Variants in NAV3 observed in about 807,000 individuals in gnomAD.
NAV3 encodes the protein neuron navigator 3, also known as pore membrane and/or filament interacting like protein 1.
In NAV3, 87 loss-of-function variants were observed where a neutral mutation model predicts 244.7. That is an observed-to-expected ratio of 0.36 (90% CI 0.30 to 0.42). NAV3 has a LOEUF of 0.42. NAV3 is among the 20% of genes least tolerant of loss of function. The pLI, the probability that NAV3 is intolerant of heterozygous loss-of-function variation, is 1.00. For synonymous variants in NAV3, 1,126 were observed against 1,042.2 expected, an observed-to-expected ratio of 1.08 and a Z score of -1.55; for missense variants, 2,663 against 2,893.3, an observed-to-expected ratio of 0.92 and a Z score of 1.83.
intron 1 of NAV3, among the ~76,000 whole-genome samples, chr12:77,840,322 G>T (rs1057080233): frequency 2.0e-5 from 3 of 152,146 alleles, no homozygotes; most frequent in Non-Finnish European, 1.5e-5. Flanking sequence ...CAGAATGGAA[G>T]AAGTATGCTA....
intron 7 of NAV3, among the ~76,000 whole-genome samples, chr12:78,001,328 C>T (rs1873262440): frequency 6.6e-6 from 1 of 151,924 alleles, no homozygotes; most frequent in South Asian, 2.1e-4. Context: ...CAGGATTAAC[C>T]AAATTATCTG....
chr12:78,195,620 C>T (rs1437641428), intron 34 of NAV3, among the ~76,000 whole-genome samples: 1 of 151,994 alleles, frequency 6.6e-6, no homozygotes, highest in Non-Finnish European at 1.5e-5. Context: ...TCTTTCCCTC[C>T]TATAGGCCAC....
At chr12:77,695,405 C>T (rs1450423044) in intron 2 of NAV3, among the ~76,000 whole-genome samples, 2 of 152,106 alleles carry the variant, frequency 1.3e-5, no homozygotes, top group African/African-American at 4.8e-5. Flanking sequence ...ATTGAAGAGA[C>T]TGTCTTTTCC....
intron 30 of NAV3, among the ~76,000 whole-genome samples, chr12:78,182,311 ATGTTGGCTTGTTGC>A (rs1958531763): frequency 6.6e-6 from 1 of 152,024 alleles, no homozygotes; most frequent in Non-Finnish European, 1.5e-5. Context: ...AACATCCTCT[ATGTTGGCTTGTTGC>A]TGATGGACCT....
intron 12 of NAV3, among the ~76,000 whole-genome samples, chr12:78,095,965 A>G (rs1188907641): frequency 1.3e-5 from 2 of 152,206 alleles, no homozygotes; most frequent in Non-Finnish European, 2.9e-5. Context: ...GAAGTAACCT[A>G]TATGGTATAT....
At chr12:77,678,856 AAG>A (rs1874323532) in intron 2 of NAV3, among the ~76,000 whole-genome samples, 1 of 152,164 alleles carries the variant, frequency 6.6e-6, no homozygotes, top group East Asian at 1.9e-4. Context: ...ACAGAGAGGA[AAG>A]AGAGGAGAAA....
chr12:78,130,137 G>A (rs1956098885), intron 18 of NAV3, among the ~76,000 whole-genome samples: 1 of 152,138 alleles, frequency 6.6e-6, no homozygotes, highest in East Asian at 1.9e-4. Context: ...CTTTTTGCCA[G>A]TCTAGTTTGG....
intron 2 of NAV3, among the ~76,000 whole-genome samples, chr12:77,691,325 TTGTGTATGTG>T (rs1565773990): frequency 8.6e-5 from 1 of 11,646 alleles, no homozygotes; most frequent in African/African-American, 1.8e-4. Context: ...ATATAAGTAT[TTGTGTATGTG>T]TGTATATATA....
chr12:77,644,797 C>T (rs928970238), intron 2 of NAV3, among the ~76,000 whole-genome samples: 5 of 152,032 alleles, frequency 3.3e-5, no homozygotes, highest in Admixed American at 6.5e-5. Flanking sequence ...TCTGAGTATA[C>T]GGATTTATTT....
At chr12:77,937,502 C>A (rs1889436314) in intron 1 of NAV3, among the ~76,000 whole-genome samples, 1 of 152,096 alleles carries the variant, frequency 6.6e-6, no homozygotes, top group Non-Finnish European at 1.5e-5. Flanking sequence ...TTTATTTAAA[C>A]AAATGTTTTT....
At chr12:77,833,944 C>T (rs1874165527) in intron 1 of NAV3, among the ~76,000 whole-genome samples, 1 of 152,040 alleles carries the variant, frequency 6.6e-6, no homozygotes, top group South Asian at 2.1e-4. Context: ...TCGGTGTCCT[C>T]TTCTGCTGGT....
chr12:77,721,169 A>G (rs747885728), intron 2 of NAV3, among the ~76,000 whole-genome samples: 21 of 152,156 alleles, frequency 1.4e-4, no homozygotes, highest in Non-Finnish European at 2.6e-4. Context: ...CTATTCTTTC[A>G]TTTATGAAGT....
intron 2 of NAV3, among the ~76,000 whole-genome samples, chr12:77,625,785 T>C (rs1871592968): frequency 6.6e-6 from 1 of 152,206 alleles, no homozygotes; most frequent in Non-Finnish European, 1.5e-5. Flanking sequence ...TAGATAAATC[T>C]GTAGGAAAAA....
intron 2 of NAV3, among the ~76,000 whole-genome samples, chr12:77,697,501 G>A (rs1011300830): frequency 6.6e-6 from 1 of 152,124 alleles, no homozygotes. Flanking sequence ...TGCGCTGTTT[G>A]TGTGAGCTTT....
chr12:77,928,848 A>T (rs1197008547), intron 1 of NAV3, among the ~76,000 whole-genome samples: 2 of 152,222 alleles, frequency 1.3e-5, no homozygotes, highest in African/African-American at 4.8e-5. Flanking sequence ...TTGCAAATGA[A>T]AATATTAATG....
chr12:78,141,457 T>C (rs1443592570), intron 20 of NAV3, among the ~76,000 whole-genome samples: 2 of 152,138 alleles, frequency 1.3e-5, no homozygotes, highest in Non-Finnish European at 2.9e-5. Context: ...TACTGTAAGG[T>C]TCATGAAGAG....
chr12:77,819,524 G>A (rs1872650042), intron 2 of NAV3, among the ~76,000 whole-genome samples: 1 of 102,090 alleles, frequency 9.8e-6, no homozygotes, highest in South Asian at 2.9e-4. Flanking sequence ...AGTAAAATAA[G>A]AGTTAAGTTT....
At chr12:78,177,118 G>A (rs780041728) in intron 26 of NAV3, 23 bp from the exon 27 acceptor site, 2 of 1,612,492 alleles carry the variant, frequency 1.2e-6, no homozygotes, top group Non-Finnish European at 1.7e-6. Flanking sequence ...AGACAAGAAG[G>A]GTAATTTCTG....
At chr12:78,005,068 A>G in intron 7 of NAV3, among the ~76,000 whole-genome samples, 1 of 152,114 alleles carries the variant, frequency 6.6e-6, no homozygotes, top group Admixed American at 6.5e-5. Flanking sequence ...CAGCCAGTTA[A>G]AAAAGCATCC....
Sources: gnomAD v4.1 joint callset for allele counts (sites outside exome capture counted in the v4.1 genomes callset) on GRCh38, gnomAD v4.1.1 for gene constraint, MANE v1.5 for transcripts, NCBI Gene and HGNC (gene_info 2026-07-23, HGNC 2026-07-21) for gene names.